Variants in SREK1IP1 observed in about 807,000 individuals in gnomAD.
The protein encoded by SREK1IP1 is protein SREK1IP1.
In SREK1IP1, 12 loss-of-function variants were observed where a neutral mutation model predicts 22.8. That is an observed-to-expected ratio of 0.53 (90% CI 0.34 to 0.85). The LOEUF is 0.85. Among genes scored for constraint, SREK1IP1 ranks in the 40% least tolerant of loss-of-function variants. The pLI is 0.02. For synonymous variants in SREK1IP1, 53 were observed against 52.7 expected, an observed-to-expected ratio of 1.01 and a Z score of -0.02; for missense variants, 147 against 171.8, an observed-to-expected ratio of 0.86 and a Z score of 0.81.
chr5:64,744,067 G>C (rs976321626), intron 2 of SREK1IP1, among the ~76,000 whole-genome samples: 1 of 152,162 alleles, frequency 6.6e-6, no homozygotes, highest in African/African-American at 2.4e-5. Context: ...GTGGACACAA[G>C]CATGTGCATT....
At chr5:64,755,093 T>A (rs775333415) in intron 1 of SREK1IP1, among the ~76,000 whole-genome samples, 25 of 152,064 alleles carry the variant, frequency 1.6e-4, no homozygotes, top group Non-Finnish European at 3.1e-4. Flanking sequence ...GAAATGGTAA[T>A]GCTTATAGAC....
intron 4 of SREK1IP1, 126 bp from the exon 5 acceptor site, chr5:64,724,699 A>T: frequency 1.4e-6 from 1 of 728,778 alleles, no homozygotes; most frequent in Non-Finnish European, 2.1e-6. Context: ...AACTTAAAAA[A>T]TGCTTCATAT....
intron 1 of SREK1IP1, 85 bp from the exon 2 acceptor site, chr5:64,754,447 A>G (rs1318245948): frequency 2.2e-6 from 3 of 1,355,636 alleles, no homozygotes; most frequent in East Asian, 2.3e-5. Context: ...AGCTAAGAAA[A>G]ACCATTTGTT....
chr5:64,741,389 CAGAA>C (rs1203775404), intron 2 of SREK1IP1, among the ~76,000 whole-genome samples, 189 bp from the exon 3 acceptor site: 3 of 152,132 alleles, frequency 2.0e-5, no homozygotes, highest in Non-Finnish European at 2.9e-5. Context: ...ATGCAATACT[CAGAA>C]AGAACTTTTT....
chr5:64,739,527 T>A (rs1490233785), intron 3 of SREK1IP1, among the ~76,000 whole-genome samples: 1 of 152,118 alleles, frequency 6.6e-6, no homozygotes, highest in African/African-American at 2.4e-5. Flanking sequence ...AGAATATATG[T>A]CGGGTTACTT....
Position 64,723,775 on chromosome 5 carries a change from A to G in SREK1IP1, c.*609T>C, listed in dbSNP as rs1742213955. ...ATAGAAGAGTAAAACTTTGTTAGAG[A>G]TATTTTCATGATCATCTACCTGCAG... On this transcript the variant is annotated 3_prime_UTR_variant, in exon 5 of 5. Transcript: ENST00000513458. The G allele has an allele frequency of 6.6e-6, 1 of 152,604 alleles. No individual in the cohort carries two copies. Among genetic ancestry groups the G allele is most frequent in the African/African-American group, 2.4e-5 (1 of 41,462 alleles). 9.5% of individuals were successfully genotyped at this position (152,604 alleles called of 1,614,324 possible). A position where few individuals can be genotyped will look rare whatever the true frequency, so the allele number is the denominator to read the frequency against.
chr5:64,763,601 AAATTT>A (rs890043404), intron 1 of SREK1IP1, among the ~76,000 whole-genome samples: 1 of 152,230 alleles, frequency 6.6e-6, no homozygotes, highest in Non-Finnish European at 1.5e-5. Context: ...GAAGAGACAG[AAATTT>A]AATTACCTAA....
rs115755225 is a variant in SREK1IP1, at chr5:64,720,972, C to G, written c.*3412G>C. 1 of 152,228 alleles carries G rather than the reference C, an allele frequency of 6.6e-6. No homozygotes were observed. Among genetic ancestry groups the G allele is most frequent in the East Asian group, 1.9e-4 (1 of 5,196 alleles). 9.4% of individuals were successfully genotyped at this position (152,228 alleles called of 1,614,324 possible). On this transcript the variant is annotated 3_prime_UTR_variant, in exon 5 of 5. Coordinates refer to ENST00000513458, the MANE Select transcript of SREK1IP1 (RefSeq NM_173829.4). ...ATGATACACCAGCAACACCAGATTG[C>G]TTGTAATTCTTGACAAACACATAAC... is the stretch of plus-strand genomic sequence containing the variant.
chr5:64,728,172 AT>A lies in SREK1IP1; in HGVS notation c.212del (p.Asn71MetfsTer17). 1 of 1,396,456 alleles carries A rather than the reference AT, an allele frequency of 7.2e-7. No individual in the cohort carries two copies. 86.5% of individuals were successfully genotyped at this position (1,396,456 alleles called of 1,614,324 possible). A position where few individuals can be genotyped will look rare whatever the true frequency, so the allele number is the denominator to read the frequency against. On this transcript the variant is annotated frameshift_variant, in exon 4 of 5. Transcript: ENST00000513458. LOFTEE classifies it high-confidence loss of function. The stretch of plus-strand genomic sequence containing the variant: ...TTTCTTTCTTCTTTTCCTCTTCTTC[AT>A]TTATTCCTGTGGGGGAGAGGTGAGA... ...KLQALQEKRI[N>X]EEEEKKKEKS...
At chr5:64,768,102 G>C (rs1003350269) in intron 1 of SREK1IP1, among the ~76,000 whole-genome samples, 4 of 152,110 alleles carry the variant, frequency 2.6e-5, no homozygotes, top group African/African-American at 9.7e-5. Context: ...GGGTCCTAGC[G>C]ACTTCTAAGA....
At chr5:64,760,227 G>C (rs886600076) in intron 1 of SREK1IP1, among the ~76,000 whole-genome samples, 1 of 152,140 alleles carries the variant, frequency 6.6e-6, no homozygotes, top group African/African-American at 2.4e-5. Context: ...GCTGCCATTC[G>C]TATAAAAAAA....
Position 64,718,653 on chromosome 5 carries a change from G to GT in SREK1IP1, c.*5730dup, listed in dbSNP as rs1742097326. The GT allele has an allele frequency of 6.6e-6, 1 of 151,978 alleles. No individual in the cohort carries two copies. The highest frequency in any genetic ancestry group is 6.6e-5 in the Admixed American group (1 of 15,266). The allele number at this position is 151,978 out of a possible 1,614,324, so 9.4% of individuals were successfully genotyped here. On this transcript the variant is annotated 3_prime_UTR_variant, in exon 5 of 5. Transcript: ENST00000513458. ...AGCTACAAAACAAATGAGTTCTCTG[G>GT]TCCCACCTAATGCTATCACATTAAT...
rs193068894 is a variant in SREK1IP1 at position 64,720,409 on chromosome 5, C to T, written c.*3975G>A. 4 of 152,184 alleles carry T rather than the reference C, an allele frequency of 2.6e-5. No homozygotes were observed. In the East Asian group the frequency reaches 5.8e-4, roughly 22 times the overall value. The allele number at this position is 152,184 out of a possible 1,614,324, so 9.4% of individuals were successfully genotyped here. A position where few individuals can be genotyped will look rare whatever the true frequency, so the allele number is the denominator to read the frequency against. On this transcript the variant is annotated 3_prime_UTR_variant, in exon 5 of 5. Transcript: ENST00000513458. ...AATAATCAAATTATATTTTATGTAG[C>T]CTTCTAATGAAAGCAATTTCATCTT...
At chr5:64,736,019 T>C (rs2112092942) in intron 3 of SREK1IP1, among the ~76,000 whole-genome samples, 1 of 152,330 alleles carries the variant, frequency 6.6e-6, no homozygotes, top group South Asian at 2.1e-4. Flanking sequence ...TGTCTCTAAG[T>C]ACTTCTTTGG....
chr5:64,765,140 G>GT (rs1479619029), intron 1 of SREK1IP1: 1 of 152,144 alleles, frequency 6.6e-6, no homozygotes, highest in Non-Finnish European at 1.5e-5. Flanking sequence ...GGGAAAAGCA[G>GT]TTTTTTCAAA....
At chr5:64,755,494 G>A (rs1742822386) in intron 1 of SREK1IP1, among the ~76,000 whole-genome samples, 1 of 152,056 alleles carries the variant, frequency 6.6e-6, no homozygotes, top group Non-Finnish European at 1.5e-5. Context: ...ATTTATAAGT[G>A]GGAGCTGAAA....
In SREK1IP1 at chr5:64,749,102, A is replaced by G. The variant is rs1018207042; in HGVS notation, c.61+5213T>C. Among the ~76,000 whole-genome samples the G allele has an allele frequency of 7.6e-5, 11 of 144,932 alleles. No individual in the cohort carries two copies. The East Asian group carries it at 2.0e-3, about 26-fold the overall frequency. ...AATAATAATAATAATAATAATAATA[A>G]TAATAAAAACCCTCCAGTTTCATGT... On this transcript the variant is annotated intron_variant, in intron 2 of 4. Transcript: ENST00000513458.
At chr5:64,738,640 G>GGA (rs1331729759) in intron 3 of SREK1IP1, among the ~76,000 whole-genome samples, 1 of 152,066 alleles carries the variant, frequency 6.6e-6, no homozygotes, top group African/African-American at 2.4e-5. Flanking sequence ...CAGACACATA[G>GGA]ACCAATGTAA....
intron 3 of SREK1IP1, among the ~76,000 whole-genome samples, chr5:64,728,664 G>A (rs1038331397): frequency 6.6e-6 from 1 of 152,042 alleles, no homozygotes; most frequent in Non-Finnish European, 1.5e-5. Flanking sequence ...TTGCATATAA[G>A]TTCCAAGTAT....
Sources: gnomAD v4.1 joint callset for allele counts (sites outside exome capture counted in the v4.1 genomes callset) on GRCh38, gnomAD v4.1.1 for gene constraint, MANE v1.5 for transcripts, NCBI Gene and HGNC (gene_info 2026-07-23, HGNC 2026-07-21) for gene names.